PALD1: variants seen among roughly 807,000 people sequenced by gnomAD.
PALD1 encodes phosphatase domain containing paladin 1, also known as paladin.
PALD1 carries 57 observed loss-of-function variants against 96.0 expected under a neutral mutation model. The observed-to-expected ratio is 0.59, with a 90% confidence interval of 0.48 to 0.74. The LOEUF (loss-of-function observed/expected upper bound fraction) is 0.74. PALD1 is among the 30% of genes least tolerant of loss of function. The pLI is 0.00. For synonymous variants in PALD1, 464 were observed against 473.6 expected (o/e 0.98, Z 0.26); for missense variants, 1,063 against 1,143.7 (o/e 0.93, Z 1.02).
intron 1 of PALD1, among the ~76,000 whole-genome samples, chr10:70,502,645 A>T (rs988962183): frequency 3.9e-5 from 6 of 152,146 alleles, no homozygotes; most frequent in Admixed American, 1.3e-4. Flanking sequence ...CCCTAACAGG[A>T]TATGGGGCAA....
Position 70,538,973 on chromosome 10 carries a change from A to G in PALD1, c.1534A>G (p.Met512Val), listed in dbSNP as rs1847174956. ...DVANFRRVPR[M>V]PIYGTAQPSA... ...GGCCAACTTCCGGCGGGTGCCCCGCATGCCCATCTACGGCACGGCCCAGCC... is the reference window on the plus strand; with the variant it reads ...GGCCAACTTCCGGCGGGTGCCCCGCGTGCCCATCTACGGCACGGCCCAGCC... Residue 512 changes from methionine to valine, a missense_variant, in exon 13 of 20, where the codon ATG becomes GTG. By Grantham distance (21) the Met-to-Val change is conservative (BLOSUM62 1). Coordinates refer to ENST00000263563, the MANE Select transcript of PALD1 (RefSeq NM_014431.3). 1.2e-6 allele frequency: 2 copies of G among 1,613,810 alleles called. No homozygotes were observed. Among genetic ancestry groups the G allele is most frequent in the East Asian group, 2.2e-5 (1 of 44,860 alleles).
rs1453715242 is a variant in PALD1, at chr10:70,564,357, C to T, written c.2263-7C>T. The T allele has an allele frequency of 1.2e-6, 2 of 1,610,672 alleles. No homozygotes were observed. Among genetic ancestry groups the T allele is most frequent in the Admixed American group, 3.3e-5 (2 of 59,810 alleles). ...CCACACTGACCCCACCCTGTCCTGT[C>T]CTCCAGGCGAAGGCAGCGAAAGAGG... On this transcript the variant is annotated splice_region_variant and splice_polypyrimidine_tract_variant and intron_variant, in intron 18 of 19. Coordinates refer to ENST00000263563, the MANE Select transcript of PALD1 (RefSeq NM_014431.3).
chr10:70,489,348 G>T (rs1846065311), intron 1 of PALD1, among the ~76,000 whole-genome samples: 1 of 151,876 alleles, frequency 6.6e-6, no homozygotes, highest in South Asian at 2.1e-4. Context: ...ATGTGTAGAT[G>T]AACCCCATCC....
chr10:70,548,972 A>G (rs1380089074), intron 18 of PALD1, among the ~76,000 whole-genome samples: 1 of 147,656 alleles, frequency 6.8e-6, no homozygotes, highest in Non-Finnish European at 1.5e-5. Context: ...ACTTTGGGAG[A>G]CTCAGGCAGG....
chr10:70,472,223 T>C, the PALD1 span, among the ~76,000 whole-genome samples: 2 of 152,212 alleles, frequency 1.3e-5, no homozygotes, highest in Non-Finnish European at 2.9e-5. Context: ...CCTGGAGTGG[T>C]GTTGCCTGGA....
intron 1 of PALD1, among the ~76,000 whole-genome samples, chr10:70,498,486 C>T (rs1826853147): frequency 6.6e-6 from 1 of 151,966 alleles, no homozygotes; most frequent in South Asian, 2.1e-4. Context: ...TCTTGTGTTG[C>T]CCAGGCTGGT....
intron 1 of PALD1, among the ~76,000 whole-genome samples, chr10:70,521,192 AGAGAGTG>A (rs1846727002): frequency 6.6e-6 from 1 of 152,138 alleles, no homozygotes; most frequent in Admixed American, 6.5e-5. Flanking sequence ...CTCGTCAGGC[AGAGAGTG>A]GAGTGGATGG....
Position 70,540,152 on chromosome 10 carries a change from A to C in PALD1, c.1908+390A>C, listed in dbSNP as rs1324185226. ...GTGTGTGTTATCGGGGTGTGTGTGT[A>C]TTCTGTTACAGGTGTGTGTGTGTAT... is the stretch of plus-strand genomic sequence containing the variant. On this transcript the variant is annotated intron_variant, in intron 15 of 19. Transcript: ENST00000263563. The surrounding 1 kb of genome is among the most constrained non-coding windows in gnomAD (Gnocchi z 4.2). Among the ~76,000 whole-genome samples the C allele has an allele frequency of 6.7e-6, 1 of 150,354 alleles. No individual in the cohort carries two copies. Among genetic ancestry groups the C allele is most frequent in the Non-Finnish European group, 1.5e-5 (1 of 67,522 alleles).
intron 18 of PALD1, among the ~76,000 whole-genome samples, chr10:70,550,915 A>G (rs1029732762): frequency 1.3e-5 from 2 of 152,162 alleles, no homozygotes; most frequent in African/African-American, 4.8e-5. Flanking sequence ...TATTATGAAT[A>G]ATGTTGCTGT....
Position 70,568,082 on chromosome 10 carries a change from AAT to A in PALD1, c.*1352_*1353del, listed in dbSNP as rs1413278907. 1.2e-4 allele frequency: 18 copies of A among 152,184 alleles called. No homozygotes were observed. The highest frequency in any genetic ancestry group is 1.1e-3 in the Admixed American group (17 of 15,284). 9.4% of individuals were successfully genotyped at this position (152,184 alleles called of 1,614,324 possible). A position where few individuals can be genotyped will look rare whatever the true frequency, so the allele number is the denominator to read the frequency against. On this transcript the variant is annotated 3_prime_UTR_variant, in exon 20 of 20. Coordinates refer to ENST00000263563, the MANE Select transcript of PALD1 (RefSeq NM_014431.3). ...TGTTCCCATTTATCCAGTATTGGAA[AAT>A]ATTTGACCCCCTTGGCTGAATTCTT...
chr10:70,529,237 G>T lies in PALD1; in HGVS notation c.194G>T (p.Cys65Phe). 1.1e-6 allele frequency: 1 copy of T among 930,574 alleles called. No individual in the cohort carries two copies. Among genetic ancestry groups the T allele is most frequent in the Non-Finnish European group, 1.6e-6 (1 of 634,806 alleles). 57.6% of individuals were successfully genotyped at this position (930,574 alleles called of 1,614,324 possible). ...CCCCCCCCCCCCCCCAGGTACAACT[G>T]CAAGGAGGAGTTCCAGATCCATGAT... is the stretch of plus-strand genomic sequence containing the variant. ...KVAPVVITYN[C>F]KEEFQIHDEL... Residue 65 changes from cysteine to phenylalanine, a missense_variant, in exon 3 of 20, where the codon TGC (cysteine) becomes TTC (phenylalanine). By Grantham distance (205) the Cys-to-Phe change is radical. Coordinates refer to ENST00000263563, the MANE Select transcript of PALD1 (RefSeq NM_014431.3).
chr10:70,534,419 C>T lies in PALD1; in HGVS notation c.1023-6C>T, dbSNP rs371673630. On this transcript the variant is annotated splice_polypyrimidine_tract_variant and splice_region_variant and intron_variant, in intron 8 of 19. Transcript: ENST00000263563. ...GCCTGCTAATGTACTGACCCTGCCT[C>T]GACAGGGCTGCCCCCACGCAGGCCA... 2.8e-5 allele frequency: 44 copies of T among 1,599,584 alleles called. No individual in the cohort carries two copies. The highest frequency in any genetic ancestry group is 5.6e-5 in the South Asian group (5 of 88,880).
intron 19 of PALD1, among the ~76,000 whole-genome samples, chr10:70,566,077 C>T (rs565061228): frequency 6.6e-6 from 1 of 152,202 alleles, no homozygotes; most frequent in African/African-American, 2.4e-5. Context: ...CTCCCCTTCC[C>T]CAGGATGGTG....
intron 1 of PALD1, among the ~76,000 whole-genome samples, chr10:70,506,739 G>A (rs1375425496): frequency 1.3e-5 from 2 of 152,132 alleles, no homozygotes; most frequent in African/African-American, 4.8e-5. Context: ...GGGAGGGCAC[G>A]ACTCATCGAG....
chr10:70,508,784 CGTGT>C (rs111850326), intron 1 of PALD1, among the ~76,000 whole-genome samples: 6,320 of 99,906 alleles, frequency 0.063, 611 homozygotes, highest in African/African-American at 0.22. Flanking sequence ...CTCTGTATGG[CGTGT>C]GTGTGTGTGT....
intron 1 of PALD1, among the ~76,000 whole-genome samples, chr10:70,488,514 G>A (rs199764574): frequency 2.6e-5 from 4 of 152,194 alleles, no homozygotes; most frequent in African/African-American, 7.2e-5. Flanking sequence ...TCTGGTCCCC[G>A]TAGGTAACAC....
At chr10:70,470,008 G>C in the PALD1 span, among the ~76,000 whole-genome samples, 311 of 152,244 alleles carry the variant, frequency 2.0e-3, 6 homozygotes, top group East Asian at 0.055. Context: ...TGTCCAGGCT[G>C]GTCTCAAACT....
chr10:70,508,297 C>G (rs891638980), intron 1 of PALD1, among the ~76,000 whole-genome samples: 2 of 152,186 alleles, frequency 1.3e-5, no homozygotes, highest in South Asian at 4.1e-4. Flanking sequence ...GTAAGATGCT[C>G]CTCGGCTTTC....
chr10:70,484,078 C>G (rs1241723790), intron 1 of PALD1, among the ~76,000 whole-genome samples: 1 of 152,178 alleles, frequency 6.6e-6, no homozygotes, highest in Non-Finnish European at 1.5e-5. Flanking sequence ...TCTTAGCTCA[C>G]TGCAACCTCT....
Sources: gnomAD v4.1 joint callset for allele counts (sites outside exome capture counted in the v4.1 genomes callset) on GRCh38, gnomAD v4.1.1 for gene constraint, Gnocchi (gnomAD v3.1) non-coding constraint, MANE v1.5 for transcripts, NCBI Gene and HGNC (gene_info 2026-07-23, HGNC 2026-07-21) for gene names.